The following AEBP2 variants were observed in gnomAD, a reference collection of about 807,000 sequenced individuals.
AEBP2 encodes AE binding protein 2.
AEBP2 carries 10 observed loss-of-function variants against 50.8 expected under a neutral mutation model. The observed-to-expected ratio is 0.20, with a 90% CI of 0.12 to 0.33. The LOEUF is 0.33. Among genes scored for constraint, AEBP2 ranks in the 10% least tolerant of loss-of-function variants. AEBP2 has a pLI of 1.00. For missense variants in AEBP2, 570 were observed against 688.0 expected (o/e 0.83, Z 1.92); for synonymous variants, 296 against 261.3 (o/e 1.13, Z -1.28).
chr12:19,468,126 TTGTGTG>T (rs10643072), intron 2 of AEBP2, among the ~76,000 whole-genome samples: 54 of 144,064 alleles, frequency 3.7e-4, no homozygotes, highest in African/African-American at 1.3e-3. Context: ...CTGCCTGACT[TTGTGTG>T]TGTGTGTGTG....
At chr12:19,501,036 T>C (rs985451233) in intron 5 of AEBP2, among the ~76,000 whole-genome samples, 1 of 152,070 alleles carries the variant, frequency 6.6e-6, no homozygotes, top group African/African-American at 2.4e-5. Context: ...TAATTTAGGC[T>C]GACAAAATAC....
intron 4 of AEBP2, among the ~76,000 whole-genome samples, chr12:19,496,746 C>T (rs1425527658): frequency 1.3e-5 from 2 of 150,712 alleles, no homozygotes; most frequent in Non-Finnish European, 2.9e-5. Context: ...ACTGCAGCCT[C>T]GACCTCCTGG....
intron 5 of AEBP2, among the ~76,000 whole-genome samples, chr12:19,508,557 C>T (rs1374875336): frequency 6.6e-6 from 1 of 152,148 alleles, no homozygotes; most frequent in Admixed American, 6.5e-5. Flanking sequence ...AAGAGTTTGA[C>T]GTTATTGTTT....
chr12:19,488,331 T>A (rs1313692400), intron 3 of AEBP2, among the ~76,000 whole-genome samples: 1 of 150,422 alleles, frequency 6.6e-6, no homozygotes, highest in Non-Finnish European at 1.5e-5. Context: ...TTTTGCCATG[T>A]TGGCTAGGCT....
At position 19,448,484 on chromosome 12, in the gene AEBP2, C is replaced by CA. The variant is rs796257949; in HGVS notation, c.671+8128dup. The stretch of plus-strand genomic sequence containing the variant: ...TGGGCAACAGAGCAAGACTCCATCT[C>CA]AAAAAAAAAAAAAAGTAAAGATCAG... On this transcript the variant is annotated intron_variant, in intron 1 of 7. Coordinates refer to ENST00000266508, the MANE Select transcript of AEBP2 (RefSeq NM_153207.5). Among the ~76,000 whole-genome samples, 790 of 123,040 alleles carry CA rather than the reference C, an allele frequency of 6.4e-3. 1 individual carries two copies. Among genetic ancestry groups the CA allele is most frequent in the Middle Eastern group, 0.018 (4 of 228 alleles). The allele number at this position is 123,040 out of a possible 152,430, so 80.7% of individuals were successfully genotyped here. A position where few individuals can be genotyped will look rare whatever the true frequency, so the allele number is the denominator to read the frequency against.
chr12:19,416,276 C>T (rs1480685910), intron 1 of AEBP2, among the ~76,000 whole-genome samples: 1 of 152,224 alleles, frequency 6.6e-6, no homozygotes, highest in Non-Finnish European at 1.5e-5. Flanking sequence ...CAAATTGGTT[C>T]AGGTTAGTTT....
chr12:19,519,964 G>T lies in AEBP2; in HGVS notation c.*1847G>T, dbSNP rs1427330201. ...TTTTATTTTTAAAAAGAAAAGCAGT[G>T]TGTTTTCTTTTTTTGTTGTTTTCTT... On this transcript the variant is annotated 3_prime_UTR_variant, in exon 8 of 8. Transcript: ENST00000266508. The T allele has an allele frequency of 2.0e-5, 3 of 152,502 alleles. No homozygotes were observed. The highest frequency in any genetic ancestry group is 4.8e-5 in the African/African-American group (2 of 41,454). 9.4% of individuals were successfully genotyped at this position (152,502 alleles called of 1,614,324 possible).
intron 1 of AEBP2, among the ~76,000 whole-genome samples, chr12:19,433,673 G>A (rs1228092117): frequency 6.6e-6 from 1 of 151,632 alleles, no homozygotes; most frequent in Non-Finnish European, 1.5e-5. Context: ...CCAGCTACTC[G>A]GGAGGCTGAG....
At chr12:19,504,556 T>C (rs1157194615) in intron 5 of AEBP2, among the ~76,000 whole-genome samples, 1 of 152,072 alleles carries the variant, frequency 6.6e-6, no homozygotes, top group African/African-American at 2.4e-5. Flanking sequence ...TTGTGTACTT[T>C]TATTACATAG....
intron 3 of AEBP2, among the ~76,000 whole-genome samples, chr12:19,476,524 TAG>T (rs1438249258): frequency 1.6e-5 from 2 of 124,018 alleles, no homozygotes; most frequent in African/African-American, 4.9e-5. Context: ...AAATTTTTAG[TAG>T]AGACAGAGCT....
chr12:19,500,083 A>G lies in AEBP2; in HGVS notation c.1175-14A>G, dbSNP rs189477920. The G allele has an allele frequency of 2.5e-4, 392 of 1,595,544 alleles. 1 individual carries two copies. In the Middle Eastern group the frequency reaches 5.6e-3, roughly 23 times the overall value. Reference sequence around the variant, plus strand: ...TTTTTCTAAATATTCTTTACTTTTTATGTTGACTTTTAGCACGGCCACATG... The same window carrying G: ...TTTTTCTAAATATTCTTTACTTTTTGTGTTGACTTTTAGCACGGCCACATG... On this transcript the variant is annotated splice_polypyrimidine_tract_variant and intron_variant, in intron 4 of 7. Coordinates refer to ENST00000266508, the MANE Select transcript of AEBP2 (RefSeq NM_153207.5).
intron 1 of AEBP2, among the ~76,000 whole-genome samples, chr12:19,410,609 C>A (rs73335368): frequency 1.3e-5 from 2 of 152,150 alleles, no homozygotes; most frequent in African/African-American, 4.8e-5. Context: ...TCATCTACCC[C>A]CTTCCCCAAC....
At chr12:19,507,010 AG>A (rs980198352) in intron 5 of AEBP2, among the ~76,000 whole-genome samples, 2 of 152,188 alleles carry the variant, frequency 1.3e-5, no homozygotes, top group African/African-American at 4.8e-5. Context: ...TAGGGCATTC[AG>A]TGGCTCTGTC....
chr12:19,466,517 G>A (rs991615167), intron 2 of AEBP2, among the ~76,000 whole-genome samples: 2 of 152,106 alleles, frequency 1.3e-5, no homozygotes, highest in Admixed American at 6.6e-5. Flanking sequence ...ACCTTATTGT[G>A]TAATCGCCAC....
rs938481763 is a variant in AEBP2 at position 19,439,918 on chromosome 12, A to C, written c.219A>C (p.Gly73=). The change falls in exon 1 of 8, where the codon GGA becomes GGC. Residue 73 remains glycine, a synonymous_variant. Coordinates refer to ENST00000266508, the MANE Select transcript of AEBP2 (RefSeq NM_153207.5). Reference sequence around the variant, plus strand: ...GGGGCGGCGGAGGCGGCGGCGGAGGAGTGGGGGGCGGCGAGGCAGAGACGA... The same window carrying C: ...GGGGCGGCGGAGGCGGCGGCGGAGGCGTGGGGGGCGGCGAGGCAGAGACGA... ...SGGGGGGGGG[G]VGGGEAETMS... The C allele has an allele frequency of 1.4e-6, 2 of 1,467,200 alleles. No homozygotes were observed. Among genetic ancestry groups the C allele is most frequent in the East Asian group, 2.9e-5 (1 of 34,286 alleles). The allele number at this position is 1,467,200 out of a possible 1,614,324, so 90.9% of individuals were successfully genotyped here.
chr12:19,498,736 A>G (rs879282326), intron 4 of AEBP2, among the ~76,000 whole-genome samples: 5 of 152,220 alleles, frequency 3.3e-5, no homozygotes, highest in African/African-American at 9.6e-5. Context: ...ATAATTTATT[A>G]TAATTAGTGG....
At chr12:19,415,147 TA>T (rs375697488) in intron 1 of AEBP2, among the ~76,000 whole-genome samples, 3,561 of 144,362 alleles carry the variant, frequency 0.025, 50 homozygotes, top group East Asian at 0.047. Context: ...CCATCTCTAC[TA>T]AAAAAAAATA....
Position 19,453,335 on chromosome 12 carries a change from C to T in AEBP2, c.672-9175C>T, listed in dbSNP as rs149148321. ...GTCTTGTCATGTTGCCCAGGCTGGT[C>T]TCGAACTCTTGGCCTCAAGCAGTCC... is the stretch of plus-strand genomic sequence containing the variant. On this transcript the variant is annotated intron_variant, in intron 1 of 7. Coordinates refer to ENST00000266508, the MANE Select transcript of AEBP2 (RefSeq NM_153207.5). Among the ~76,000 whole-genome samples the T allele has an allele frequency of 1.6e-3, 249 of 151,938 alleles. 1 individual carries two copies. The highest frequency in any genetic ancestry group is 5.8e-3 in the African/African-American group (239 of 41,400).
At chr12:19,470,025 G>A (rs1592744881) in intron 2 of AEBP2, among the ~76,000 whole-genome samples, 2 of 152,102 alleles carry the variant, frequency 1.3e-5, no homozygotes, top group African/African-American at 2.4e-5. Context: ...GATATTATAC[G>A]TCTAAAAAGT....
Sources: gnomAD v4.1 joint callset for allele counts (sites outside exome capture counted in the v4.1 genomes callset) on GRCh38, gnomAD v4.1.1 for gene constraint, MANE v1.5 for transcripts, NCBI Gene and HGNC (gene_info 2026-07-23, HGNC 2026-07-21) for gene names.